CDS2: variants seen among roughly 807,000 people sequenced by gnomAD.
CDS2 encodes CDP-diacylglycerol synthase 2.
CDS2 carries 47 observed loss-of-function variants against 59.0 expected under a neutral mutation model. That is an observed-to-expected ratio of 0.80 (90% CI 0.63 to 1.02). CDS2 has a LOEUF of 1.02. Ranked by LOEUF, CDS2 falls within the 50% of genes least tolerant of loss-of-function variation. The probability of loss-of-function intolerance (pLI) is 0.00; values close to 1 mark genes in which losing one functional copy is unlikely to be tolerated. For synonymous variants in CDS2, 207 were observed against 206.4 expected (o/e 1.00, Z -0.02); for missense variants, 356 against 558.9 (o/e 0.64, Z 3.66).
chr20:5,184,845 G>A lies in CDS2; in HGVS notation c.672-13G>A. On this transcript the variant is annotated splice_polypyrimidine_tract_variant and intron_variant, in intron 7 of 12. Transcript: ENST00000460006. This position sits in a 1 kb window ranked among gnomAD's most constrained non-coding sequence, Gnocchi z 4.3. ...CCTTGCTTGAGTTGATCCTTACTTTGGTTCATTTCTAGGTTCATTGTCCCC... is the reference window on the plus strand; with the variant it reads ...CCTTGCTTGAGTTGATCCTTACTTTAGTTCATTTCTAGGTTCATTGTCCCC... The A allele has an allele frequency of 6.3e-7, 1 of 1,597,342 alleles. No homozygotes were observed. Among genetic ancestry groups the A allele is most frequent in the Non-Finnish European group, 8.6e-7 (1 of 1,165,006 alleles).
At chr20:5,149,762 C>T (rs1024811853) in intron 1 of CDS2, among the ~76,000 whole-genome samples, 2 of 151,662 alleles carry the variant, frequency 1.3e-5, no homozygotes, top group Admixed American at 6.6e-5. Flanking sequence ...TTTGCCGAGG[C>T]TGGAGTGAAG....
Position 5,185,021 on chromosome 20 carries a change from C to T in CDS2, c.759+76C>T, listed in dbSNP as rs2091057258. 5.7e-6 allele frequency: 6 copies of T among 1,056,124 alleles called. No homozygotes were observed. In the Admixed American group the frequency reaches 1.0e-4, roughly 18 times the overall value. 65.4% of individuals were successfully genotyped at this position (1,056,124 alleles called of 1,614,324 possible). The stretch of plus-strand genomic sequence containing the variant: ...TCTCAATGTGAGTAGATCAGCCTGG[C>T]AGACAGAAGAAATCTAGCTGTGTTG... On this transcript the variant is annotated intron_variant, in intron 8 of 12. Coordinates refer to ENST00000460006, the MANE Select transcript of CDS2 (RefSeq NM_003818.4).
At chr20:5,138,717 C>T (rs1211933819) in intron 1 of CDS2, among the ~76,000 whole-genome samples, 1 of 151,872 alleles carries the variant, frequency 6.6e-6, no homozygotes, top group African/African-American at 2.4e-5. Context: ...AATTCCTGAC[C>T]TCAGGTGATC....
At chr20:5,157,539 T>C (rs1600488824) in intron 1 of CDS2, among the ~76,000 whole-genome samples, 1 of 152,146 alleles carries the variant, frequency 6.6e-6, no homozygotes, top group Non-Finnish European at 1.5e-5. Flanking sequence ...GCTACTATAA[T>C]GAAACACCAT....
rs2091098985 is a variant in CDS2, at chr20:5,189,815, T to C, written c.1182T>C (p.Asn394=). The stretch of plus-strand genomic sequence containing the variant: ...AGTATCTGATGGCCACCTTTGTCAA[T>C]GTATACATCGCCAGTTTTATCAGGT... ...DCQYLMATFV[N]VYIASFIRGP... The change falls in exon 12 of 13, where the codon AAT becomes AAC. Residue 394 remains asparagine, a synonymous_variant. Coordinates refer to ENST00000460006, the MANE Select transcript of CDS2 (RefSeq NM_003818.4). 6.2e-7 allele frequency: 1 copy of C among 1,613,970 alleles called. No homozygotes were observed. The highest frequency in any genetic ancestry group is 8.5e-7 in the Non-Finnish European group (1 of 1,179,804).
At chr20:5,179,449 A>T (rs2091017841) in intron 5 of CDS2, among the ~76,000 whole-genome samples, 1 of 152,184 alleles carries the variant, frequency 6.6e-6, no homozygotes, top group Non-Finnish European at 1.5e-5. Flanking sequence ...AGAGAAGCAG[A>T]GTGTAGGGGC....
rs60174280 is a variant in CDS2 at position 5,174,720 on chromosome 20, C to CA, written c.195-447dup. Among the ~76,000 whole-genome samples, 526 of 117,016 alleles carry CA rather than the reference C, an allele frequency of 4.5e-3. 2 individuals are homozygous for CA. Among genetic ancestry groups the CA allele is most frequent in the Middle Eastern group, 8.4e-3 (2 of 238 alleles). 76.8% of individuals were successfully genotyped at this position (117,016 alleles called of 152,430 possible). A position where few individuals can be genotyped will look rare whatever the true frequency, so the allele number is the denominator to read the frequency against. ...CTGGGCTACAGAGGAAACTCTGTCT[C>CA]AAAAAAAAAAAAAAAATTATGCATA... On this transcript the variant is annotated intron_variant, in intron 2 of 12. Transcript: ENST00000460006.
intron 10 of CDS2, chr20:5,187,783 C>T (rs1477177216): frequency 6.6e-6 from 1 of 150,876 alleles, no homozygotes; most frequent in East Asian, 1.9e-4. Flanking sequence ...ACCAGCTACT[C>T]AGGAGGTTGA....
chr20:5,189,970 A>C, intron 12 of CDS2, 132 bp downstream of exon 12: 1 of 1,388,318 alleles, frequency 7.2e-7, no homozygotes, highest in Non-Finnish European at 9.9e-7. Flanking sequence ...CTGCTTACAG[A>C]TTTTCTGAGG....
chr20:5,188,989 T>C lies in CDS2; in HGVS notation c.982-78T>C, dbSNP rs191660656. 129 of 1,583,038 alleles carry C rather than the reference T, an allele frequency of 8.1e-5. No homozygotes were observed. In the African/African-American group the frequency reaches 1.5e-3, roughly 18 times the overall value. On this transcript the variant is annotated intron_variant, in intron 10 of 12. Coordinates refer to ENST00000460006, the MANE Select transcript of CDS2 (RefSeq NM_003818.4). ...AGTGAGGCCACAATGAGGATCAAAT[T>C]TCAACATGAGTTGACAACTCAAACC...
At chr20:5,183,411 T>C (rs2091045362) in intron 7 of CDS2, among the ~76,000 whole-genome samples, 1 of 152,176 alleles carries the variant, frequency 6.6e-6, no homozygotes, top group Non-Finnish European at 1.5e-5. Context: ...TCTAGACTAA[T>C]AGGTACAGGA....
intron 1 of CDS2, among the ~76,000 whole-genome samples, chr20:5,151,082 A>G (rs1316730660): frequency 6.6e-6 from 1 of 152,200 alleles, no homozygotes; most frequent in East Asian, 1.9e-4. Context: ...GGCAGTGAGA[A>G]CCAGGCCTCT....
chr20:5,179,268 C>A (rs1365047031), intron 5 of CDS2, among the ~76,000 whole-genome samples: 3 of 152,130 alleles, frequency 2.0e-5, no homozygotes, highest in Non-Finnish European at 4.4e-5. Context: ...ACTACAGGTG[C>A]CTGCTACCAT....
At chr20:5,168,648 C>A in intron 1 of CDS2, 1 of 518,430 alleles carries the variant, frequency 1.9e-6, no homozygotes, top group Non-Finnish European at 3.9e-6. Context: ...GAAAGGGAGC[C>A]TCAGAAGGAT....
At chr20:5,176,973 A>G (rs1010062047) in intron 4 of CDS2, among the ~76,000 whole-genome samples, 1 of 152,176 alleles carries the variant, frequency 6.6e-6, no homozygotes, top group Non-Finnish European at 1.5e-5. Context: ...GTTAAGAGAA[A>G]AAGGCAGGAG....
chr20:5,137,787 C>T (rs2090659732), intron 1 of CDS2, among the ~76,000 whole-genome samples: 1 of 151,306 alleles, frequency 6.6e-6, no homozygotes, highest in South Asian at 2.1e-4. Context: ...TAACCTCAAA[C>T]ATTTATCATT....
At chr20:5,168,417 C>CAA (rs71332877) in intron 1 of CDS2, among the ~76,000 whole-genome samples, 8 of 71,504 alleles carry the variant, frequency 1.1e-4, no homozygotes, top group African/African-American at 3.0e-4. Context: ...TCTGTCCCCC[C>CAA]AAAAAAAAAA....
intron 1 of CDS2, among the ~76,000 whole-genome samples, chr20:5,138,460 G>T (rs1254885919): frequency 6.6e-6 from 1 of 151,962 alleles, no homozygotes; most frequent in Non-Finnish European, 1.5e-5. Context: ...CTGGGTGTCT[G>T]TTTTAATTTA....
At chr20:5,160,531 C>T (rs6116667) in intron 1 of CDS2, among the ~76,000 whole-genome samples, 46,260 of 151,980 alleles carry the variant, frequency 0.3, 7,537 homozygotes, top group South Asian at 0.38. Context: ...CCAATTAAAC[C>T]TTTTCTTACT....
Sources: gnomAD v4.1 joint callset for allele counts (sites outside exome capture counted in the v4.1 genomes callset) on GRCh38, gnomAD v4.1.1 for gene constraint, Gnocchi (gnomAD v3.1) non-coding constraint, MANE v1.5 for transcripts, NCBI Gene and HGNC (gene_info 2026-07-23, HGNC 2026-07-21) for gene names.